GNB4: variants seen among roughly 807,000 people sequenced by gnomAD.
GNB4 encodes G protein subunit beta 4.
Under a neutral mutation model 45.2 loss-of-function variants are expected in GNB4, and 28 were observed. That is an observed-to-expected ratio of 0.62 (90% CI 0.46 to 0.85). The LOEUF (loss-of-function observed/expected upper bound fraction) is 0.85. GNB4 is among the 40% of genes least tolerant of loss of function. GNB4 has a pLI of 0.00. For synonymous variants in GNB4, 132 were observed against 143.7 expected (o/e 0.92, Z 0.58); for missense variants, 321 against 425.4 (o/e 0.75, Z 2.16).
chr3:179,413,785 C>T lies in GNB4; in HGVS notation c.431-4G>A, dbSNP rs1410630328. ...AAACGACAGCAGGACAAGTACCCTA[C>T]AGCATAAAGAGTAGCAAATTTTAGG... On this transcript the variant is annotated splice_region_variant and splice_polypyrimidine_tract_variant and intron_variant, in intron 6 of 9. Coordinates refer to ENST00000232564, the MANE Select transcript of GNB4 (RefSeq NM_021629.4). 2 of 1,613,202 alleles carry T rather than the reference C, an allele frequency of 1.2e-6. No homozygotes were observed. Among genetic ancestry groups the T allele is most frequent in the South Asian group, 2.2e-5 (2 of 91,028 alleles).
chr3:179,468,052 A>ATATATATATATATATATATATATATATAT, the GNB4 span, among the ~76,000 whole-genome samples: 10 of 139,456 alleles, frequency 7.2e-5, no homozygotes, highest in East Asian at 2.1e-4. Context: ...ATATATATAG[A>ATATATATATATATATATATATATATATAT]ACAGGTGTGG....
chr3:179,409,371 G>C, intron 8 of GNB4, among the ~76,000 whole-genome samples: 1 of 151,880 alleles, frequency 6.6e-6, no homozygotes, highest in Non-Finnish European at 1.5e-5. Flanking sequence ...AATCAGCCGG[G>C]TGTGTTGGCT....
intron 1 of GNB4, among the ~76,000 whole-genome samples, chr3:179,434,829 G>A (rs189815035): frequency 4.6e-5 from 7 of 152,120 alleles, no homozygotes; most frequent in Admixed American, 2.0e-4. Flanking sequence ...AAAGAGGATC[G>A]CTTGAACCCA....
At position 179,413,789 on chromosome 3, in the gene GNB4, A is replaced by G. The variant is rs945941216; in HGVS notation, c.431-8T>C. On this transcript the variant is annotated splice_region_variant and splice_polypyrimidine_tract_variant and intron_variant, in intron 6 of 9. Transcript: ENST00000232564. ...GACAGCAGGACAAGTACCCTACAGC[A>G]TAAAGAGTAGCAAATTTTAGGTTAT... 16 of 1,612,540 alleles carry G rather than the reference A, an allele frequency of 9.9e-6. No homozygotes were observed. In the African/African-American group the frequency reaches 2.1e-4, roughly 22 times the overall value.
chr3:179,513,294 C>T, the GNB4 span, among the ~76,000 whole-genome samples: 2 of 151,160 alleles, frequency 1.3e-5, no homozygotes, highest in Non-Finnish European at 2.9e-5. Flanking sequence ...AGCAAGCCTC[C>T]CACCTCAGCC....
At chr3:179,491,761 G>T in the GNB4 span, among the ~76,000 whole-genome samples, 50 of 152,178 alleles carry the variant, frequency 3.3e-4, no homozygotes, top group African/African-American at 1.2e-3. Flanking sequence ...GTAAAGGAAG[G>T]TTCTCTGAAG....
chr3:179,515,390 A>G, the GNB4 span, among the ~76,000 whole-genome samples: 1 of 152,236 alleles, frequency 6.6e-6, no homozygotes, highest in Non-Finnish European at 1.5e-5. Flanking sequence ...CAGGCAGGCT[A>G]AGTCCAAAAA....
chr3:179,490,394 A>G, the GNB4 span, among the ~76,000 whole-genome samples: 2 of 152,198 alleles, frequency 1.3e-5, no homozygotes, highest in Admixed American at 1.3e-4. Flanking sequence ...TAGAAGCGAT[A>G]GAAAATAGAC....
chr3:179,508,932 G>GTATATATATATATATATA, the GNB4 span, among the ~76,000 whole-genome samples: 1,306 of 101,960 alleles, frequency 0.013, 52 homozygotes, highest in East Asian at 0.047. Flanking sequence ...TTCAGCATGT[G>GTATATATATATATATATA]TATATATATA....
chr3:179,488,502 C>A, the GNB4 span, among the ~76,000 whole-genome samples: 1 of 152,200 alleles, frequency 6.6e-6, no homozygotes, highest in African/African-American at 2.4e-5. Context: ...GAGGCTTACA[C>A]TTCCTGCCTA....
At chr3:179,422,860 T>C (rs1187653731) in intron 2 of GNB4, among the ~76,000 whole-genome samples, 1 of 152,168 alleles carries the variant, frequency 6.6e-6, no homozygotes. Context: ...TGGCGCCATC[T>C]TGGCTCACTG....
At chr3:179,436,678 T>G (rs962205392) in intron 1 of GNB4, among the ~76,000 whole-genome samples, 8 of 152,324 alleles carry the variant, frequency 5.3e-5, no homozygotes, top group Non-Finnish European at 8.8e-5. Context: ...CACGTGGCTT[T>G]CTTTCTCAGG....
chr3:179,499,433 A>C, the GNB4 span, among the ~76,000 whole-genome samples: 1 of 152,166 alleles, frequency 6.6e-6, no homozygotes, highest in African/African-American at 2.4e-5. Context: ...TGCCGGGATT[A>C]CAGGCTTGAG....
intron 8 of GNB4, among the ~76,000 whole-genome samples, chr3:179,409,739 G>C (rs745456772): frequency 1.3e-5 from 2 of 151,056 alleles, no homozygotes; most frequent in African/African-American, 2.4e-5. Flanking sequence ...GAAACTGGGA[G>C]GCAGAGGTTG....
At chr3:179,412,830 C>G (rs749929533) in intron 8 of GNB4, among the ~76,000 whole-genome samples, 1 of 150,586 alleles carries the variant, frequency 6.6e-6, no homozygotes, top group Non-Finnish European at 1.5e-5. Context: ...CTTGTTTACT[C>G]ATGATAATCC....
intron 1 of GNB4, among the ~76,000 whole-genome samples, chr3:179,446,729 A>G (rs975180623): frequency 6.6e-6 from 1 of 152,372 alleles, no homozygotes; most frequent in South Asian, 2.1e-4. Flanking sequence ...GAAAACACTC[A>G]AAGTTGGTAA....
chr3:179,494,907 CAAAAAAAAAAAAA>C, the GNB4 span, among the ~76,000 whole-genome samples: 15 of 33,990 alleles, frequency 4.4e-4, no homozygotes, highest in Middle Eastern at 0.028. Flanking sequence ...GACTCTGTCT[CAAAAAAAAAAAAA>C]AAAAAAAAAA....
chr3:179,509,166 C>CATAT, the GNB4 span, among the ~76,000 whole-genome samples: 5,708 of 139,726 alleles, frequency 0.041, 165 homozygotes, highest in African/African-American at 0.07. Context: ...CATATATATA[C>CATAT]ATACACACAC....
chr3:179,486,157 G>A, the GNB4 span, among the ~76,000 whole-genome samples: 3 of 146,872 alleles, frequency 2.0e-5, no homozygotes, highest in Non-Finnish European at 4.5e-5. Context: ...GGAGGCAGAG[G>A]TTGCAGTGAG....
Sources: gnomAD v4.1 joint callset for allele counts (sites outside exome capture counted in the v4.1 genomes callset) on GRCh38, gnomAD v4.1.1 for gene constraint, MANE v1.5 for transcripts, NCBI Gene and HGNC (gene_info 2026-07-23, HGNC 2026-07-21) for gene names.